The following ZNF761 variants were observed in gnomAD, a reference collection of about 807,000 sequenced individuals.
The protein encoded by ZNF761 is zinc finger protein 761.
Under a neutral mutation model 59.9 loss-of-function variants are expected in ZNF761, and 43 were observed. That is an observed-to-expected ratio of 0.72 (90% CI 0.56 to 0.92). The LOEUF is 0.92. ZNF761 is among the 40% of genes least tolerant of loss of function. The probability of loss-of-function intolerance (pLI) is 0.00; values close to 1 mark genes in which losing one functional copy is unlikely to be tolerated. For synonymous variants in ZNF761, 294 were observed against 304.8 expected (o/e 0.96, Z 0.37); for missense variants, 850 against 906.1 (o/e 0.94, Z 0.79).
At chr19:53,433,038 GGGGA>G (rs2085990778) in intron 1 of ZNF761, among the ~76,000 whole-genome samples, 1 of 38,846 alleles carries the variant, frequency 2.6e-5, no homozygotes, top group South Asian at 6.6e-4. Context: ...GCTAGAGAGT[GGGGA>G]CAGGGGGGTA....
chr19:53,434,561 G>C (rs530932901), intron 1 of ZNF761, among the ~76,000 whole-genome samples: 1 of 152,232 alleles, frequency 6.6e-6, no homozygotes, highest in East Asian at 1.9e-4. Context: ...TCTTTGCCTT[G>C]CCACAAAGTT....
rs2147127836 is a variant in ZNF761 at position 53,442,002 on chromosome 19, C to T, written c.-184-4225C>T. ...AGGTGGGCCTGGGAACAGGCAGAGG[C>T]TGAAGTGGCCTCCGTGAACGGTAGG... On this transcript the variant is annotated intron_variant, in intron 1 of 4. Coordinates refer to ENST00000684525, the MANE Select transcript of ZNF761 (RefSeq NM_001289951.2). The T allele has an allele frequency of 2.6e-6, 3 of 1,149,298 alleles. No homozygotes were observed. The East Asian group carries it at 7.1e-5, about 27-fold the overall frequency. The allele number at this position is 1,149,298 out of a possible 1,614,324, so 71.2% of individuals were successfully genotyped here. A position where few individuals can be genotyped will look rare whatever the true frequency, so the allele number is the denominator to read the frequency against.
chr19:53,449,756 A>G (rs938898702), intron 4 of ZNF761, 118 bp downstream of exon 4: 14 of 1,540,576 alleles, frequency 9.1e-6, no homozygotes, highest in Admixed American at 1.9e-5. Context: ...TGGTGTGATC[A>G]TGGCTCACTG....
At chr19:53,441,008 G>A (rs59507579) in intron 1 of ZNF761, among the ~76,000 whole-genome samples, 26,027 of 152,148 alleles carry the variant, frequency 0.17, 2,331 homozygotes, top group East Asian at 0.23. Context: ...ATATCAAAAC[G>A]TGGTGGCCCC....
At position 53,457,548 on chromosome 19, in the gene ZNF761, A is replaced by G; in HGVS notation, c.*800A>G. 3.0e-6 allele frequency: 1 copy of G among 334,566 alleles called. No individual in the cohort carries two copies. Among genetic ancestry groups the G allele is most frequent in the South Asian group, 2.7e-5 (1 of 37,692 alleles). The allele number at this position is 334,566 out of a possible 1,614,324, so 20.7% of individuals were successfully genotyped here. ...GTTCACTCCTTGCAGAATATGAGAA[A>G]ATTCATTTTGGAGGTAGTTGGTCCA... On this transcript the variant is annotated 3_prime_UTR_variant, in exon 5 of 5. Coordinates refer to ENST00000684525, the MANE Select transcript of ZNF761 (RefSeq NM_001289951.2).
chr19:53,437,285 T>A (rs2086052879), intron 1 of ZNF761, among the ~76,000 whole-genome samples: 1 of 150,280 alleles, frequency 6.7e-6, no homozygotes, highest in African/African-American at 2.5e-5. Context: ...ACCACTGCAC[T>A]CCAACCTGGG....
chr19:53,456,469 A>C lies in ZNF761; in HGVS notation c.1962A>C (p.Arg654Ser). 8 of 1,613,848 alleles carry C rather than the reference A, an allele frequency of 5.0e-6. No homozygotes were observed. The highest frequency in any genetic ancestry group is 6.8e-6 in the Non-Finnish European group (8 of 1,179,906). The change falls in exon 5 of 5, where the codon AGA (arginine) becomes AGC (serine). Residue 654 changes from arginine to serine, a missense_variant. Arg to Ser is a moderately radical substitution (Grantham distance 110). Coordinates refer to ENST00000684525, the MANE Select transcript of ZNF761 (RefSeq NM_001289951.2). ...RVKSNLEGHR[R>S]IHTGEKPYKC... ...AATCAAACCTTGAAGGACATAGGAG[A>C]ATTCATACTGGAGAGAAACCTTACA...
intron 3 of ZNF761, among the ~76,000 whole-genome samples, 189 bp from the exon 4 acceptor site, chr19:53,449,323 C>A (rs960752290): frequency 2.1e-4 from 32 of 151,002 alleles, no homozygotes; most frequent in Non-Finnish European, 3.7e-4. Flanking sequence ...GACTGAGACT[C>A]CACCTCAAAA....
In ZNF761 at chr19:53,456,771, C is replaced by A; in HGVS notation, c.*23C>A. 1 of 1,608,520 alleles carries A rather than the reference C, an allele frequency of 6.2e-7. No homozygotes were observed. The highest frequency in any genetic ancestry group is 1.7e-4 in the Middle Eastern group (1 of 6,042). ...TAATGAATGTGGTGAGGTTTTTAATCAACAAGCACACCTTGCAGGTCATCA... is the reference window on the plus strand; with the variant it reads ...TAATGAATGTGGTGAGGTTTTTAATAAACAAGCACACCTTGCAGGTCATCA... On this transcript the variant is annotated 3_prime_UTR_variant, in exon 5 of 5. Transcript: ENST00000684525.
intron 1 of ZNF761, chr19:53,441,696 C>G: frequency 1.9e-6 from 1 of 539,010 alleles, no homozygotes; most frequent in Non-Finnish European, 3.4e-6. Context: ...ATCCACTCGC[C>G]TTGGCCTCCC....
At chr19:53,445,841 A>G (rs7253042) in intron 1 of ZNF761, among the ~76,000 whole-genome samples, 68,493 of 151,908 alleles carry the variant, frequency 0.45, 16,116 homozygotes, top group South Asian at 0.67. Flanking sequence ...ACCCTCCACC[A>G]GCTTCCCGTG....
chr19:53,437,109 A>G (rs2086050693), intron 1 of ZNF761, among the ~76,000 whole-genome samples: 1 of 152,086 alleles, frequency 6.6e-6, no homozygotes, highest in South Asian at 2.1e-4. Flanking sequence ...TGAGGTCCAG[A>G]TTTGAAGACC....
At chr19:53,448,442 C>T (rs1221203932) in intron 3 of ZNF761, among the ~76,000 whole-genome samples, 1 of 152,228 alleles carries the variant, frequency 6.6e-6, no homozygotes, top group Non-Finnish European at 1.5e-5. Flanking sequence ...ACGTCCTCCA[C>T]CCTCCTTCCA....
intron 1 of ZNF761, chr19:53,442,072 G>T: frequency 1.1e-6 from 1 of 916,610 alleles, no homozygotes; most frequent in South Asian, 1.3e-5. Context: ...AGGAGCGCCT[G>T]GCCACTGCCC....
At chr19:53,445,980 G>T (rs2086155153) in intron 1 of ZNF761, among the ~76,000 whole-genome samples, 1 of 152,160 alleles carries the variant, frequency 6.6e-6, no homozygotes, top group Non-Finnish European at 1.5e-5. Flanking sequence ...AGTCACATTT[G>T]CTTTTCTGTT....
chr19:53,439,904 C>G (rs771454149), intron 1 of ZNF761, among the ~76,000 whole-genome samples: 63 of 152,236 alleles, frequency 4.1e-4, no homozygotes, highest in Non-Finnish European at 8.7e-4. Context: ...AATTCTGCTA[C>G]TACTGGTGCA....
chr19:53,433,712 T>C (rs531793660), intron 1 of ZNF761, among the ~76,000 whole-genome samples: 48 of 152,290 alleles, frequency 3.2e-4, no homozygotes, highest in Admixed American at 6.5e-4. Context: ...CTGGTCGCAA[T>C]TGCTTCTATA....
At chr19:53,441,080 A>T (rs1218773942) in intron 1 of ZNF761, among the ~76,000 whole-genome samples, 1 of 152,188 alleles carries the variant, frequency 6.6e-6, no homozygotes, top group Admixed American at 6.5e-5. Flanking sequence ...TGAGGAGTTC[A>T]AGAGCAGCCT....
intron 4 of ZNF761, among the ~76,000 whole-genome samples, chr19:53,454,256 C>T (rs1382212118): frequency 6.6e-5 from 10 of 152,162 alleles, no homozygotes; most frequent in South Asian, 4.1e-4. Context: ...TATAGTATAT[C>T]GTGTGGTCCT....
Sources: gnomAD v4.1 joint callset for allele counts (sites outside exome capture counted in the v4.1 genomes callset) on GRCh38, gnomAD v4.1.1 for gene constraint, MANE v1.5 for transcripts, NCBI Gene and HGNC (gene_info 2026-07-23, HGNC 2026-07-21) for gene names.